Variants in ALCAM observed in about 807,000 individuals in gnomAD.
ALCAM encodes the protein activated leukocyte cell adhesion molecule, also known as CD166 antigen.
ALCAM carries 30 observed loss-of-function variants against 70.9 expected under a neutral mutation model. The observed-to-expected ratio is 0.42, with a 90% CI of 0.32 to 0.57. The LOEUF is 0.57. Ranked by LOEUF, ALCAM falls within the 20% of genes least tolerant of loss-of-function variation. The pLI is 0.11. For synonymous variants in ALCAM, 249 were observed against 242.5 expected (o/e 1.03, Z -0.25); for missense variants, 591 against 695.1 (o/e 0.85, Z 1.68).
At position 105,571,928 on chromosome 3, in the gene ALCAM, A is replaced by G; in HGVS notation, c.1741A>G (p.Thr581Ala). Residue 581 changes from threonine (T) to alanine (A), a missense_variant, in exon 15 of 16, where the codon ACT becomes GCT. This residue lies in a region of ALCAM where 164 missense variants were observed against 244.7 expected (regional missense o/e 0.67). Transcript: ENST00000306107. ...AAAGTTAGAAGAAAACAATCACAAAACTGAAGCCTAAGAGAGAAACTGTCC... is the reference window on the plus strand; with the variant it reads ...AAAGTTAGAAGAAAACAATCACAAAGCTGAAGCCTAAGAGAGAAACTGTCC... Reference protein sequence around the residue: ...NKKLEENNHKTEA With the variant: ...NKKLEENNHKAEA The G allele has an allele frequency of 6.2e-7, 1 of 1,612,248 alleles. No individual in the cohort carries two copies. Among genetic ancestry groups the G allele is most frequent in the African/African-American group, 1.3e-5 (1 of 74,990 alleles).
intron 1 of ALCAM, among the ~76,000 whole-genome samples, chr3:105,405,788 C>T (rs1410916536): frequency 1.3e-5 from 2 of 152,170 alleles, no homozygotes; most frequent in East Asian, 3.9e-4. Context: ...AATTAAATAA[C>T]TTGCTCCTCC....
At chr3:105,552,790 A>G (rs1414886481) in intron 14 of ALCAM, 2 of 1,374,360 alleles carry the variant, frequency 1.5e-6, no homozygotes, top group East Asian at 5.5e-5. Context: ...ACTGTTTCAC[A>G]TGTGTCCGTT....
At chr3:105,417,829 A>G (rs956775707) in intron 1 of ALCAM, among the ~76,000 whole-genome samples, 8 of 151,848 alleles carry the variant, frequency 5.3e-5, no homozygotes, top group African/African-American at 1.9e-4. Flanking sequence ...CTTAGGACAT[A>G]CAGAAGATAA....
chr3:105,526,031 A>C (rs1939697825), intron 3 of ALCAM, among the ~76,000 whole-genome samples: 1 of 152,200 alleles, frequency 6.6e-6, no homozygotes, highest in Admixed American at 6.5e-5. Flanking sequence ...CACTTTTCTA[A>C]AGCGAGTAAT....
intron 12 of ALCAM, among the ~76,000 whole-genome samples, 181 bp downstream of exon 12, chr3:105,550,440 C>T (rs567378131): frequency 4.6e-5 from 7 of 151,336 alleles, no homozygotes; most frequent in Non-Finnish European, 8.9e-5. Context: ...CTTGTACTAT[C>T]CTTGTCTTGA....
At chr3:105,525,448 C>T (rs552755352) in intron 3 of ALCAM, 25 of 778,964 alleles carry the variant, frequency 3.2e-5, no homozygotes, top group Non-Finnish European at 3.9e-5. Context: ...CGAAACAGGT[C>T]TCAAAAGTTT....
At chr3:105,394,741 A>G (rs1179873928) in intron 1 of ALCAM, among the ~76,000 whole-genome samples, 2 of 151,944 alleles carry the variant, frequency 1.3e-5, no homozygotes, top group Non-Finnish European at 2.9e-5. Flanking sequence ...ACATCTGCAA[A>G]ATTGTTTAGG....
chr3:105,538,700 C>T (rs146493225), intron 6 of ALCAM, among the ~76,000 whole-genome samples: 47 of 152,162 alleles, frequency 3.1e-4, no homozygotes, highest in Middle Eastern at 3.4e-3. Flanking sequence ...GCAAGAGAGG[C>T]CCGGAAACGG....
intron 1 of ALCAM, among the ~76,000 whole-genome samples, chr3:105,442,928 A>T (rs908960742): frequency 6.6e-6 from 1 of 152,200 alleles, no homozygotes; most frequent in Non-Finnish European, 1.5e-5. Flanking sequence ...CTCCTGGGCT[A>T]AAGGGATCCT....
At chr3:105,461,468 A>G (rs1309501260) in intron 1 of ALCAM, among the ~76,000 whole-genome samples, 1 of 151,886 alleles carries the variant, frequency 6.6e-6, no homozygotes, top group Non-Finnish European at 1.5e-5. Context: ...GGTCTAAGCC[A>G]TTACATAACT....
At chr3:105,491,845 C>T (rs1232659492) in intron 1 of ALCAM, among the ~76,000 whole-genome samples, 1 of 152,234 alleles carries the variant, frequency 6.6e-6, no homozygotes, top group Non-Finnish European at 1.5e-5. Context: ...AACTTTCCCA[C>T]ATCTTCCTGT....
At chr3:105,529,788 C>T (rs1271298168) in intron 3 of ALCAM, among the ~76,000 whole-genome samples, 6 of 151,996 alleles carry the variant, frequency 3.9e-5, no homozygotes, top group East Asian at 1.9e-4. Context: ...CACTGAAATA[C>T]AAAGTGTTTA....
rs1192346760 is a variant in ALCAM, at chr3:105,575,844, G to A, written c.*1393G>A. The A allele has an allele frequency of 1.3e-5, 2 of 152,082 alleles. No homozygotes were observed. Among genetic ancestry groups the A allele is most frequent in the African/African-American group, 4.8e-5 (2 of 41,420 alleles). The allele number at this position is 152,082 out of a possible 1,614,324, so 9.4% of individuals were successfully genotyped here. On this transcript the variant is annotated 3_prime_UTR_variant, in exon 16 of 16. Transcript: ENST00000306107. ...ATCAGATTTCTAGGTATAGAACTAT[G>A]TTATTGAAAGGAAAAGGAAAACTGG...
intron 1 of ALCAM, among the ~76,000 whole-genome samples, chr3:105,476,996 G>T (rs986947480): frequency 6.6e-6 from 1 of 151,908 alleles, no homozygotes; most frequent in African/African-American, 2.4e-5. Context: ...AGGGGTTTCT[G>T]CTTTTGCTTC....
chr3:105,573,798 A>G (rs1940905910), intron 15 of ALCAM, among the ~76,000 whole-genome samples: 1 of 152,230 alleles, frequency 6.6e-6, no homozygotes, highest in Non-Finnish European at 1.5e-5. Context: ...ATAAACCACA[A>G]GTCACAATTT....
intron 2 of ALCAM, among the ~76,000 whole-genome samples, chr3:105,523,255 A>G (rs750493228): frequency 3.2e-4 from 48 of 151,128 alleles, no homozygotes; most frequent in Admixed American, 1.8e-3. Context: ...TGAATAAGGT[A>G]GTGGTCTAAC....
chr3:105,567,550 C>A (rs932117241), intron 14 of ALCAM, among the ~76,000 whole-genome samples: 10 of 151,948 alleles, frequency 6.6e-5, no homozygotes, highest in African/African-American at 2.4e-4. Context: ...CTAATGCTTT[C>A]TTGTGCCACC....
chr3:105,499,265 A>T (rs1026193286), intron 1 of ALCAM, among the ~76,000 whole-genome samples: 20 of 152,334 alleles, frequency 1.3e-4, no homozygotes, highest in African/African-American at 4.1e-4. Flanking sequence ...TATGTTTTAT[A>T]TTCCTTAAGA....
At chr3:105,516,167 A>G (rs899459461) in intron 1 of ALCAM, among the ~76,000 whole-genome samples, 4 of 151,874 alleles carry the variant, frequency 2.6e-5, no homozygotes, top group African/African-American at 9.7e-5. Flanking sequence ...TCTGCTTGAA[A>G]TGTGGTAGCA....
Sources: gnomAD v4.1 joint callset for allele counts (sites outside exome capture counted in the v4.1 genomes callset) on GRCh38, gnomAD v4.1.1 for gene constraint, gnomAD v4.1.1 regional missense constraint, MANE v1.5 for transcripts, NCBI Gene and HGNC (gene_info 2026-07-23, HGNC 2026-07-21) for gene names.